Variants in NPAS3 observed in about 807,000 individuals in gnomAD.
NPAS3 encodes the protein neuronal PAS domain-containing protein 3.
A neutral mutation model predicts 73.1 loss-of-function variants in NPAS3; 14 were observed. The observed-to-expected ratio is 0.19, with a 90% confidence interval of 0.13 to 0.30. The LOEUF is 0.30. NPAS3 is among the 10% of genes least tolerant of loss of function. The probability of loss-of-function intolerance (pLI) is 1.00; values close to 1 mark genes in which losing one functional copy is unlikely to be tolerated. For synonymous variants in NPAS3, 620 were observed against 541.5 expected (o/e 1.14, Z -2.01); for missense variants, 1,096 against 1,250.0 (o/e 0.88, Z 1.86).
chr14:33,549,121 A>G (rs1216932929), intron 4 of NPAS3, among the ~76,000 whole-genome samples: 5 of 152,246 alleles, frequency 3.3e-5, no homozygotes, highest in African/African-American at 1.2e-4. Flanking sequence ...TTCATGTACT[A>G]GATATAATTT....
intron 1 of NPAS3, among the ~76,000 whole-genome samples, chr14:32,986,032 C>A (rs1057503397): frequency 6.6e-6 from 1 of 152,156 alleles, no homozygotes; most frequent in Non-Finnish European, 1.5e-5. Flanking sequence ...TCCACATGGG[C>A]GCCGCTGTGA....
chr14:33,231,993 A>G (rs570567888), intron 3 of NPAS3, among the ~76,000 whole-genome samples: 11 of 152,304 alleles, frequency 7.2e-5, no homozygotes, highest in African/African-American at 2.6e-4. Context: ...AGATAGTCCT[A>G]TAGAGAGAAT....
intron 1 of NPAS3, among the ~76,000 whole-genome samples, chr14:33,009,714 C>T (rs180704175): frequency 6.6e-6 from 1 of 152,032 alleles, no homozygotes; most frequent in African/African-American, 2.4e-5. Context: ...ACCACTTTTT[C>T]TTCATTATAA....
chr14:33,083,024 A>G (rs886219326), intron 2 of NPAS3, among the ~76,000 whole-genome samples: 1 of 151,974 alleles, frequency 6.6e-6, no homozygotes, highest in South Asian at 2.1e-4. Context: ...CTACAAAAAA[A>G]CACAAAACAT....
intron 4 of NPAS3, among the ~76,000 whole-genome samples, chr14:33,389,865 T>C (rs964503266): frequency 6.6e-6 from 1 of 152,174 alleles, no homozygotes; most frequent in Non-Finnish European, 1.5e-5. Flanking sequence ...GCTGGTAAAA[T>C]TCCATTATGT....
At chr14:33,653,736 T>G (rs1391163182) in intron 5 of NPAS3, among the ~76,000 whole-genome samples, 3 of 152,236 alleles carry the variant, frequency 2.0e-5, no homozygotes, top group Admixed American at 6.5e-5. Flanking sequence ...GTAGGTTCCC[T>G]GAAAAGACAG....
chr14:33,558,860 TTTA>T (rs1002817041), intron 4 of NPAS3, among the ~76,000 whole-genome samples: 1 of 151,854 alleles, frequency 6.6e-6, no homozygotes, highest in Admixed American at 6.6e-5. Context: ...TTTTTTTTTT[TTTA>T]ACACCACTCA....
chr14:33,686,918 T>C (rs1240610910), intron 6 of NPAS3, among the ~76,000 whole-genome samples: 4 of 152,182 alleles, frequency 2.6e-5, no homozygotes, highest in Non-Finnish European at 5.9e-5. Flanking sequence ...TCATTTATTT[T>C]TATAAAAATG....
chr14:33,303,514 T>C (rs1397074844), intron 3 of NPAS3, among the ~76,000 whole-genome samples: 2 of 152,204 alleles, frequency 1.3e-5, no homozygotes, highest in African/African-American at 2.4e-5. Context: ...ATCAGAGTTA[T>C]TCTATGGTAG....
chr14:33,643,607 C>T (rs1014206516), intron 5 of NPAS3, among the ~76,000 whole-genome samples: 45 of 152,182 alleles, frequency 3.0e-4, no homozygotes, highest in African/African-American at 1.1e-3. Flanking sequence ...AAGAGAAGAG[C>T]AGTGTCAGAA....
At chr14:33,413,007 A>G (rs1264982949) in intron 4 of NPAS3, among the ~76,000 whole-genome samples, 1 of 152,182 alleles carries the variant, frequency 6.6e-6, no homozygotes, top group African/African-American at 2.4e-5. Flanking sequence ...TACTTTTTTA[A>G]AAATATAAGG....
At chr14:33,762,895 C>G (rs2062340298) in intron 7 of NPAS3, among the ~76,000 whole-genome samples, 2 of 152,082 alleles carry the variant, frequency 1.3e-5, no homozygotes, top group Non-Finnish European at 2.9e-5. Context: ...AGGTTAAAAT[C>G]TTAAGTTTGA....
intron 4 of NPAS3, among the ~76,000 whole-genome samples, chr14:33,390,080 T>A (rs1018448997): frequency 6.6e-6 from 1 of 152,144 alleles, no homozygotes; most frequent in African/African-American, 2.4e-5. Flanking sequence ...ACAGAATCTG[T>A]ATGTGAGGAA....
rs558678961 is a variant in NPAS3 at position 33,063,816 on chromosome 14, C to T, written c.140+7822C>T. ...ATCATGGTGCTTGGCATATAGTAAA[C>T]ATACACTAAATGAGTACTACCTTGT... On this transcript the variant is annotated intron_variant, in intron 2 of 11. Transcript: ENST00000356141. 1.1e-3 allele frequency among the ~76,000 whole-genome samples: 167 copies of T among 152,282 alleles called. 1 individual carries two copies. Among genetic ancestry groups the T allele is most frequent in the African/African-American group, 3.7e-3 (154 of 41,548 alleles).
At chr14:33,799,269 C>T (rs1338477843) in intron 11 of NPAS3, among the ~76,000 whole-genome samples, 1 of 152,026 alleles carries the variant, frequency 6.6e-6, no homozygotes, top group Non-Finnish European at 1.5e-5. Flanking sequence ...AAATATTCAC[C>T]AAGGGAAAAT....
At chr14:33,374,349 T>A (rs937116618) in intron 4 of NPAS3, among the ~76,000 whole-genome samples, 3 of 152,136 alleles carry the variant, frequency 2.0e-5, no homozygotes, top group Non-Finnish European at 4.4e-5. Context: ...TTTCTACGTT[T>A]CTTCTGTTAA....
At chr14:33,640,968 A>G (rs2058660519) in intron 5 of NPAS3, among the ~76,000 whole-genome samples, 1 of 152,234 alleles carries the variant, frequency 6.6e-6, no homozygotes, top group African/African-American at 2.4e-5. Context: ...CCTGCAAGGA[A>G]AGGTACCCAA....
intron 7 of NPAS3, among the ~76,000 whole-genome samples, chr14:33,747,811 C>A (rs1373631957): frequency 6.6e-6 from 1 of 152,200 alleles, no homozygotes; most frequent in Non-Finnish European, 1.5e-5. Context: ...TTTTTATTCT[C>A]TCTAAAGTAT....
intron 2 of NPAS3, among the ~76,000 whole-genome samples, chr14:33,059,964 T>C (rs2041037293): frequency 6.6e-6 from 1 of 152,156 alleles, no homozygotes; most frequent in African/African-American, 2.4e-5. Flanking sequence ...TTGTTTTTAG[T>C]AGAGGACAAG....
Sources: gnomAD v4.1 joint callset for allele counts (sites outside exome capture counted in the v4.1 genomes callset) on GRCh38, gnomAD v4.1.1 for gene constraint, MANE v1.5 for transcripts, NCBI Gene and HGNC (gene_info 2026-07-23, HGNC 2026-07-21) for gene names.